Variants in LRBA observed in about 807,000 individuals in gnomAD.
LRBA encodes LPS responsive beige-like anchor protein, also known as lipopolysaccharide-responsive and beige-like anchor protein.
Under a neutral mutation model 330.0 loss-of-function variants are expected in LRBA, and 176 were observed. The observed-to-expected ratio is 0.53, with a 90% CI of 0.47 to 0.60. The LOEUF is 0.60. Ranked by LOEUF, LRBA falls within the 20% of genes least tolerant of loss-of-function variation. The pLI is 0.00. For synonymous variants in LRBA, 1,230 were observed against 1,193.0 expected, an observed-to-expected ratio of 1.03 and a Z score of -0.64; for missense variants, 3,259 against 3,444.8, an observed-to-expected ratio of 0.95 and a Z score of 1.35.
intron 37 of LRBA, among the ~76,000 whole-genome samples, chr4:150,634,047 A>T (rs188176647): frequency 1.3e-5 from 2 of 152,270 alleles, no homozygotes; most frequent in Admixed American, 6.5e-5. Context: ...ACCAGGAGGC[A>T]GAGGTTGCAG....
chr4:150,916,024 A>G (rs535839095), intron 7 of LRBA, among the ~76,000 whole-genome samples: 3 of 152,292 alleles, frequency 2.0e-5, no homozygotes, highest in South Asian at 4.1e-4. Flanking sequence ...ACTAGATTCC[A>G]TAATTGTCAA....
chr4:150,810,748 G>A (rs1743598879), intron 31 of LRBA, among the ~76,000 whole-genome samples: 1 of 151,950 alleles, frequency 6.6e-6, no homozygotes, highest in Admixed American at 6.6e-5. Flanking sequence ...AATATAGGTG[G>A]ATGCCACCAC....
intron 53 of LRBA, 145 bp downstream of exon 53, chr4:150,302,480 T>C (rs1156316163): frequency 2.3e-6 from 1 of 436,658 alleles, no homozygotes; most frequent in Non-Finnish European, 3.9e-6. Flanking sequence ...ATAATGAGGC[T>C]ATTTGGATCA....
At chr4:150,684,695 T>G (rs1783375426) in intron 36 of LRBA, among the ~76,000 whole-genome samples, 1 of 152,208 alleles carries the variant, frequency 6.6e-6, no homozygotes, top group South Asian at 2.1e-4. Context: ...CAAAGATGGA[T>G]GTAGACTTGG....
intron 42 of LRBA, among the ~76,000 whole-genome samples, chr4:150,478,137 C>T (rs1441828839): frequency 6.6e-6 from 1 of 152,094 alleles, no homozygotes; most frequent in Non-Finnish European, 1.5e-5. Context: ...AATCTCTCCC[C>T]AGATGAACTC....
chr4:150,849,710 T>A, intron 24 of LRBA, 135 bp from the exon 25 acceptor site: 1 of 668,628 alleles, frequency 1.5e-6, no homozygotes, highest in South Asian at 1.8e-5. Context: ...CAGCAGGCAT[T>A]TGGAGGGTGT....
chr4:150,673,287 A>C (rs181516441), intron 37 of LRBA, among the ~76,000 whole-genome samples: 1 of 152,332 alleles, frequency 6.6e-6, no homozygotes, highest in African/African-American at 2.4e-5. Context: ...AATTTTAAGT[A>C]AAAGAATTTC....
intron 37 of LRBA, 131 bp from the exon 38 acceptor site, chr4:150,599,262 T>A: frequency 1.2e-6 from 1 of 850,572 alleles, no homozygotes; most frequent in Non-Finnish European, 1.8e-6. Flanking sequence ...TCTCCCTCCA[T>A]CTCACACTCC....
intron 40 of LRBA, among the ~76,000 whole-genome samples, chr4:150,506,782 C>T (rs1245430092): frequency 1.3e-5 from 2 of 152,168 alleles, no homozygotes; most frequent in African/African-American, 2.4e-5. Flanking sequence ...AAGAGGAAGT[C>T]AAACTGCCCC....
intron 30 of LRBA, among the ~76,000 whole-genome samples, chr4:150,819,094 T>C (rs188846560): frequency 6.6e-6 from 1 of 152,046 alleles, no homozygotes; most frequent in East Asian, 1.9e-4. Context: ...AACAAACTAC[T>C]GATGAATGAA....
chr4:150,564,926 G>A lies in LRBA; in HGVS notation c.6330+23122C>T, dbSNP rs141652138. 1.5e-4 allele frequency among the ~76,000 whole-genome samples: 23 copies of A among 152,254 alleles called. No individual in the cohort carries two copies. In the East Asian group the frequency reaches 2.7e-3, roughly 18 times the overall value. On this transcript the variant is annotated intron_variant, in intron 40 of 56. Coordinates refer to ENST00000651943, the MANE Select transcript of LRBA (RefSeq NM_001364905.1). Reference sequence around the variant, plus strand: ...GAGAAAAAAAGAATGCTTTTACATCGTTGGTGGGAATGTAAATTAGTTCAA... The same window carrying A: ...GAGAAAAAAAGAATGCTTTTACATCATTGGTGGGAATGTAAATTAGTTCAA...
At chr4:150,848,713 T>G (rs1750200956) in intron 26 of LRBA, 105 bp downstream of exon 26, 1 of 870,702 alleles carries the variant, frequency 1.1e-6, no homozygotes, top group African/African-American at 1.7e-5. Context: ...ACAAATTAGC[T>G]AACATATATT....
intron 40 of LRBA, among the ~76,000 whole-genome samples, chr4:150,549,836 T>C (rs7699621): frequency 0.082 from 12,461 of 152,174 alleles, 899 homozygotes; most frequent in African/African-American, 0.19. Flanking sequence ...AGAAAGCAAA[T>C]ATTCCAGGGA....
At chr4:150,403,321 A>G (rs943233984) in intron 47 of LRBA, among the ~76,000 whole-genome samples, 1 of 152,244 alleles carries the variant, frequency 6.6e-6, no homozygotes, top group South Asian at 2.1e-4. Context: ...TGTGAATTCA[A>G]TTTCTTCTTG....
chr4:150,722,015 A>G (rs1442255923), intron 36 of LRBA, among the ~76,000 whole-genome samples: 9 of 152,164 alleles, frequency 5.9e-5, no homozygotes, highest in South Asian at 2.1e-4. Flanking sequence ...GAATTCTTCA[A>G]TTCCTACGGG....
intron 37 of LRBA, among the ~76,000 whole-genome samples, chr4:150,601,595 T>A (rs1232209999): frequency 6.6e-6 from 1 of 152,164 alleles, no homozygotes; most frequent in African/African-American, 2.4e-5. Context: ...ATCAGGGAAC[T>A]GAGAATTTGT....
intron 37 of LRBA, among the ~76,000 whole-genome samples, chr4:150,671,228 A>G (rs1318077130): frequency 6.6e-6 from 1 of 152,054 alleles, no homozygotes; most frequent in Non-Finnish European, 1.5e-5. Context: ...CTATGATTCA[A>G]CCCTTCCTGT....
At chr4:150,293,648 A>T (rs1728605374) in intron 53 of LRBA, among the ~76,000 whole-genome samples, 1 of 152,152 alleles carries the variant, frequency 6.6e-6, no homozygotes, top group South Asian at 2.1e-4. Context: ...GGTATATAAC[A>T]TTTCTCCTCT....
rs565490562 is a variant in LRBA at position 150,996,556 on chromosome 4, T to C, written c.216+17871A>G. 1.9e-3 allele frequency among the ~76,000 whole-genome samples: 291 copies of C among 152,294 alleles called. 3 individuals carry two copies. Among genetic ancestry groups the C allele is most frequent in the African/African-American group, 6.4e-3 (268 of 41,572 alleles). The stretch of plus-strand genomic sequence containing the variant: ...TATCTTAAATACATATAAACTACCA[T>C]GCACCATTTGACACATGAAGAAATA... On this transcript the variant is annotated intron_variant, in intron 2 of 56. Transcript: ENST00000651943.
Sources: gnomAD v4.1 joint callset for allele counts (sites outside exome capture counted in the v4.1 genomes callset) on GRCh38, gnomAD v4.1.1 for gene constraint, MANE v1.5 for transcripts, NCBI Gene and HGNC (gene_info 2026-07-23, HGNC 2026-07-21) for gene names.